NFE2L3: variants seen among roughly 807,000 people sequenced by gnomAD.
The protein encoded by NFE2L3 is nuclear factor erythroid 2-related factor 3.
Under a neutral mutation model 23.5 loss-of-function variants are expected in NFE2L3, and 18 were observed. The ratio of observed to expected loss-of-function variants is 0.77; its 90% CI spans 0.53 to 1.13. The LOEUF is 1.13. Ranked by LOEUF, NFE2L3 falls within the 50% of genes most tolerant of loss-of-function variation. NFE2L3 has a pLI of 0.00. For synonymous variants in NFE2L3, 424 were observed against 354.5 expected, an observed-to-expected ratio of 1.20 and a Z score of -2.20; for missense variants, 1,152 against 877.2, an observed-to-expected ratio of 1.31 and a Z score of -3.96.
Position 26,184,572 on chromosome 7 carries a change from A to G in NFE2L3, c.874A>G (p.Ser292Gly). The stretch of plus-strand genomic sequence containing the variant: ...AGATATTCCTCTTCCAGGCAGTATC[A>G]GTGATGGCATGAATTCTTCAGCACA... Reference protein sequence around the residue: ...LGDIPLPGSISDGMNSSAHYH... With the variant: ...LGDIPLPGSIGDGMNSSAHYH... Residue 292 changes from serine (S) to glycine (G), a missense_variant, in exon 4 of 4, where the codon AGT (serine) becomes GGT (glycine). By Grantham distance (56) the Ser-to-Gly change is moderately conservative. Coordinates refer to ENST00000056233, the MANE Select transcript of NFE2L3 (RefSeq NM_004289.7). 1 of 1,613,712 alleles carries G rather than the reference A, an allele frequency of 6.2e-7. No homozygotes were observed. The highest frequency in any genetic ancestry group is 8.5e-7 in the Non-Finnish European group (1 of 1,179,676).
At chr7:26,173,042 T>C (rs1036065439) in intron 1 of NFE2L3, among the ~76,000 whole-genome samples, 1 of 152,160 alleles carries the variant, frequency 6.6e-6, no homozygotes, top group African/African-American at 2.4e-5. Context: ...TTCCTTCATT[T>C]ATTTGTTTAT....
chr7:26,162,575 A>G (rs745478292), intron 1 of NFE2L3, among the ~76,000 whole-genome samples: 1 of 152,210 alleles, frequency 6.6e-6, no homozygotes, highest in Non-Finnish European at 1.5e-5. Context: ...AATGAATCAT[A>G]AATGATACTC....
At position 26,186,470 on chromosome 7, in the gene NFE2L3, C is replaced by A. The variant is rs1260523063; in HGVS notation, c.*687C>A. 6.6e-6 allele frequency: 1 copy of A among 151,074 alleles called. No individual in the cohort carries two copies. Among genetic ancestry groups the A allele is most frequent in the Non-Finnish European group, 1.5e-5 (1 of 68,122 alleles). 9.4% of individuals were successfully genotyped at this position (151,074 alleles called of 1,614,324 possible). A position where few individuals can be genotyped will look rare whatever the true frequency, so the allele number is the denominator to read the frequency against. On this transcript the variant is annotated 3_prime_UTR_variant, in exon 4 of 4. Coordinates refer to ENST00000056233, the MANE Select transcript of NFE2L3 (RefSeq NM_004289.7). ...ATCCATAGTAAGGCAAATCCACCCC[C>A]CTACCCCAATACTTAACACACAGAA...
intron 2 of NFE2L3, among the ~76,000 whole-genome samples, chr7:26,178,725 TTCC>T (rs1181440438): frequency 1.3e-5 from 2 of 152,140 alleles, no homozygotes; most frequent in African/African-American, 4.8e-5. Flanking sequence ...CGATCTGTGC[TTCC>T]TCCTCCTTTC....
intron 1 of NFE2L3, among the ~76,000 whole-genome samples, chr7:26,166,785 G>A (rs1784257867): frequency 6.6e-6 from 1 of 152,160 alleles, no homozygotes; most frequent in South Asian, 2.1e-4. Flanking sequence ...CTTGCCTTCA[G>A]CCTAGAGACA....
At chr7:26,180,772 G>A (rs979481112) in intron 2 of NFE2L3, among the ~76,000 whole-genome samples, 3 of 151,952 alleles carry the variant, frequency 2.0e-5, no homozygotes, top group Non-Finnish European at 2.9e-5. Context: ...AATGAAGTAG[G>A]GAGCTTCCTT....
Position 26,184,708 on chromosome 7 carries a change from A to G in NFE2L3, c.1010A>G (p.Gln337Arg), listed in dbSNP as rs1405567872. ...FRRDPTARTS[Q>R]SQEPFLQLNS... Reference sequence around the variant, plus strand: ...AGAGATCCAACAGCAAGGACTTCACAGTCACAAGAACCATTTCTGCAGTTA... The same window carrying G: ...AGAGATCCAACAGCAAGGACTTCACGGTCACAAGAACCATTTCTGCAGTTA... Residue 337 changes from glutamine (Q) to arginine (R), a missense_variant, in exon 4 of 4, where the codon CAG (glutamine) becomes CGG (arginine). Transcript: ENST00000056233. 9.3e-6 allele frequency: 15 copies of G among 1,613,832 alleles called. No homozygotes were observed. The highest frequency in any genetic ancestry group is 2.7e-5 in the African/African-American group (2 of 74,938).
rs865893550 is a variant in NFE2L3 at position 26,177,174 on chromosome 7, G to A, written c.571-769G>A. Among the ~76,000 whole-genome samples, 19 of 152,186 alleles carry A rather than the reference G, an allele frequency of 1.2e-4. 1 individual carries two copies. The highest frequency in any genetic ancestry group is 3.4e-3 in the Middle Eastern group (1 of 294). ...AGACGATGGGTGGCCAGGCAGAGAC[G>A]CTCCTCACTTCCTAGACAGGGTGGC... On this transcript the variant is annotated intron_variant, in intron 1 of 3. Coordinates refer to ENST00000056233, the MANE Select transcript of NFE2L3 (RefSeq NM_004289.7).
Position 26,184,675 on chromosome 7 carries a change from C to T in NFE2L3, c.977C>T (p.Thr326Ile), listed in dbSNP as rs773642955. ...GCCATCTTGCTTTGTCCCAACAATA[C>T]ATTTAGAAGAGATCCAACAGCAAGG... Reference protein sequence around the residue: ...HEAILLCPNNTFRRDPTARTS... With the variant: ...HEAILLCPNNIFRRDPTARTS... The change falls in exon 4 of 4, where the codon ACA becomes ATA. Residue 326 changes from threonine to isoleucine, a missense_variant. Coordinates refer to ENST00000056233, the MANE Select transcript of NFE2L3 (RefSeq NM_004289.7). 2.5e-6 allele frequency: 4 copies of T among 1,613,884 alleles called. No individual in the cohort carries two copies. The highest frequency in any genetic ancestry group is 2.2e-5 in the South Asian group (2 of 91,072).
At chr7:26,166,203 A>G (rs377200479) in intron 1 of NFE2L3, among the ~76,000 whole-genome samples, 6 of 152,290 alleles carry the variant, frequency 3.9e-5, no homozygotes, top group Admixed American at 6.5e-5. Context: ...TCTTACAGCC[A>G]TGTGGTCAGG....
At chr7:26,159,068 C>G (rs1784129020) in intron 1 of NFE2L3, among the ~76,000 whole-genome samples, 1 of 152,248 alleles carries the variant, frequency 6.6e-6, no homozygotes, top group Non-Finnish European at 1.5e-5. Context: ...CTTGGTTCGT[C>G]TCTCTGCGTT....
At chr7:26,181,506 G>GAT (rs1562677726) in intron 2 of NFE2L3, among the ~76,000 whole-genome samples, 1 of 152,064 alleles carries the variant, frequency 6.6e-6, no homozygotes, top group Non-Finnish European at 1.5e-5. Context: ...CCCAAAGCTA[G>GAT]ATATAAGATC....
chr7:26,184,472 A>G (rs548813274), intron 3 of NFE2L3, 61 bp from the exon 4 acceptor site: 14 of 1,462,922 alleles, frequency 9.6e-6, no homozygotes, highest in African/African-American at 1.4e-5. Context: ...GTTGTTAGGT[A>G]ATAGAACTGC....
intron 1 of NFE2L3, among the ~76,000 whole-genome samples, chr7:26,163,663 T>C (rs1228395054): frequency 6.6e-6 from 1 of 152,208 alleles, no homozygotes; most frequent in African/African-American, 2.4e-5. Context: ...CTTTATTTAT[T>C]TATTTTATTA....
rs1583943578 is a variant in NFE2L3, at chr7:26,186,011, A to G, written c.*228A>G. On this transcript the variant is annotated 3_prime_UTR_variant, in exon 4 of 4. Coordinates refer to ENST00000056233, the MANE Select transcript of NFE2L3 (RefSeq NM_004289.7). ...CAACTTTTCATGAAGTGCATTGTATACAAAATTCATAGTTATGTCCAAAGA... is the reference window on the plus strand; with the variant it reads ...CAACTTTTCATGAAGTGCATTGTATGCAAAATTCATAGTTATGTCCAAAGA... The G allele has an allele frequency of 2.5e-6, 1 of 401,618 alleles. No individual in the cohort carries two copies. Among genetic ancestry groups the G allele is most frequent in the East Asian group, 3.8e-5 (1 of 25,998 alleles). The allele number at this position is 401,618 out of a possible 1,614,324, so 24.9% of individuals were successfully genotyped here. A position where few individuals can be genotyped will look rare whatever the true frequency, so the allele number is the denominator to read the frequency against.
rs572670650 is a variant in NFE2L3 at position 26,182,934 on chromosome 7, A to G, written c.751-767A>G. On this transcript the variant is annotated intron_variant, in intron 2 of 3. Transcript: ENST00000056233. ...TCACCATCCCGGAGTAGCTGGGACC[A>G]CAGGTGCACACCACCACACCCAGCT... is the stretch of plus-strand genomic sequence containing the variant. 4.6e-5 allele frequency among the ~76,000 whole-genome samples: 7 copies of G among 152,220 alleles called. No homozygotes were observed. In the South Asian group the frequency reaches 1.2e-3, roughly 27 times the overall value.
At chr7:26,155,979 C>T (rs992978587) in intron 1 of NFE2L3, among the ~76,000 whole-genome samples, 1 of 152,138 alleles carries the variant, frequency 6.6e-6, no homozygotes, top group Non-Finnish European at 1.5e-5. Context: ...CTTAACCCAC[C>T]CTCCTTCACC....
At chr7:26,181,671 G>A (rs775677170) in intron 2 of NFE2L3, among the ~76,000 whole-genome samples, 1 of 152,090 alleles carries the variant, frequency 6.6e-6, no homozygotes, top group Non-Finnish European at 1.5e-5. Context: ...ATAGCCATGA[G>A]TCAGCATATG....
chr7:26,163,025 A>C (rs1375504192), intron 1 of NFE2L3, among the ~76,000 whole-genome samples: 1 of 152,076 alleles, frequency 6.6e-6, no homozygotes, highest in African/African-American at 2.4e-5. Context: ...AATATCAAGC[A>C]TTTATTACTA....
Sources: gnomAD v4.1 joint callset for allele counts (sites outside exome capture counted in the v4.1 genomes callset) on GRCh38, gnomAD v4.1.1 for gene constraint, MANE v1.5 for transcripts, NCBI Gene and HGNC (gene_info 2026-07-23, HGNC 2026-07-21) for gene names.